The following SRPRA variants were observed in gnomAD, a reference collection of about 807,000 sequenced individuals.
SRPRA encodes SRP receptor subunit alpha.
In SRPRA, 30 loss-of-function variants were observed where a neutral mutation model predicts 61.1. The ratio of observed to expected loss-of-function variants is 0.49; its 90% confidence interval spans 0.37 to 0.67. SRPRA has a LOEUF of 0.67. Ranked by LOEUF, SRPRA falls within the 30% of genes least tolerant of loss-of-function variation. The pLI, the probability that SRPRA is intolerant of heterozygous loss-of-function variation, is 0.00. For synonymous variants in SRPRA, 324 were observed against 299.7 expected (o/e 1.08, Z -0.84); for missense variants, 759 against 828.4 (o/e 0.92, Z 1.03).
chr11:126,256,006 C>G, the SRPRA span, among the ~76,000 whole-genome samples: 1 of 151,582 alleles, frequency 6.6e-6, no homozygotes, highest in Non-Finnish European at 1.5e-5. This position sits in a 1 kb window ranked among gnomAD's most constrained non-coding sequence, Gnocchi z 6.6. Flanking sequence ...TGCAGTGGCT[C>G]ACGCCTGTAA....
rs374425631 is a variant in SRPRA, at chr11:126,265,239, T to C, written c.1311+29A>G. On this transcript the variant is annotated intron_variant, in intron 10 of 13. Coordinates refer to ENST00000332118, the MANE Select transcript of SRPRA (RefSeq NM_003139.4). The surrounding 1 kb of genome is among the most constrained non-coding windows in gnomAD (Gnocchi z 6.3). ...TTGAGACACAAGAAGTACAGAAATA[T>C]CAGCGATAGGCTGGGGAACTGCACT... 91 of 1,613,590 alleles carry C rather than the reference T, an allele frequency of 5.6e-5. No homozygotes were observed. In the African/African-American group the frequency reaches 1.1e-3, roughly 20 times the overall value.
rs1180786361 is a variant in SRPRA, at chr11:126,268,809, G to A, written c.-5C>T. 2 of 1,611,194 alleles carry A rather than the reference G, an allele frequency of 1.2e-6. No homozygotes were observed. The highest frequency in any genetic ancestry group is 2.7e-5 in the African/African-American group (2 of 74,914). On this transcript the variant is annotated 5_prime_UTR_variant, in exon 1 of 14. Transcript: ENST00000332118. ...AATGGTGAAGAAGTCGAGCATGGCG[G>A]CAGCGGCAGAGGAGCTGGGGCCGGC...
the SRPRA span, chr11:126,241,116 G>C: frequency 1.4e-6 from 2 of 1,465,168 alleles, no homozygotes; most frequent in South Asian, 2.8e-5. Flanking sequence ...GCATGATTTG[G>C]CTGTCAAAAC....
At chr11:126,260,655 TC>T (rs1458070494), downstream of SRPRA, 3 of 152,220 alleles carry the variant, frequency 2.0e-5, no homozygotes, top group Non-Finnish European at 2.9e-5. Flanking sequence ...AGGTCAAAGA[TC>T]AGGAACATTT....
downstream of SRPRA, among the ~76,000 whole-genome samples, chr11:126,259,871 C>T (rs1565342269): frequency 6.6e-6 from 1 of 151,834 alleles, no homozygotes; most frequent in African/African-American, 2.4e-5. Flanking sequence ...AAGGCGCCCG[C>T]CACCACACCC....
Position 126,265,244 on chromosome 11 carries a change from G to A in SRPRA, c.1311+24C>T, listed in dbSNP as rs2242391. On this transcript the variant is annotated intron_variant, in intron 10 of 13. Transcript: ENST00000332118. This position sits in a 1 kb window ranked among gnomAD's most constrained non-coding sequence, Gnocchi z 6.3. The stretch of plus-strand genomic sequence containing the variant: ...ACACAAGAAGTACAGAAATATCAGC[G>A]ATAGGCTGGGGAACTGCACTGACCT... The A allele has an allele frequency of 3.7e-6, 6 of 1,613,494 alleles. No individual in the cohort carries two copies. Among genetic ancestry groups the A allele is most frequent in the East Asian group, 2.2e-5 (1 of 44,870 alleles).
rs199928419 is a variant in SRPRA, at chr11:126,266,023, T to C, written c.991A>G (p.Lys331Glu). The change falls in exon 8 of 14, where the codon AAG becomes GAG. Residue 331 changes from lysine (K) to glutamate (E), a missense_variant. Physicochemically the swap from Lys to Glu is moderately conservative, Grantham distance 56. Coordinates refer to ENST00000332118, the MANE Select transcript of SRPRA (RefSeq NM_003139.4). ...TCCATGTCTTCACGACTCAAGCTCT[T>C]TGAACCCACAAGGCCCTTCAGCATA... ...FGMLKGLVGS[K>E]SLSREDMESV... 1.2e-6 allele frequency: 2 copies of C among 1,614,194 alleles called. No homozygotes were observed. The highest frequency in any genetic ancestry group is 1.7e-6 in the Non-Finnish European group (2 of 1,180,038).
rs1433847825 is a variant in SRPRA, at chr11:126,262,972, CTTAT to C, written c.*940_*943del. On this transcript the variant is annotated 3_prime_UTR_variant, in exon 14 of 14. Transcript: ENST00000332118. ...GAAATTTATTTTCTTATATAAATTA[CTTAT>C]TTCTCTGGGCAGACAGCCTTCACCT... 4 of 152,620 alleles carry C rather than the reference CTTAT, an allele frequency of 2.6e-5. No homozygotes were observed. The highest frequency in any genetic ancestry group is 4.1e-4 in the South Asian group (2 of 4,830). The allele number at this position is 152,620 out of a possible 1,614,324, so 9.5% of individuals were successfully genotyped here.
the SRPRA span, among the ~76,000 whole-genome samples, chr11:126,251,925 G>A: frequency 6.6e-6 from 1 of 151,784 alleles, no homozygotes; most frequent in African/African-American, 2.4e-5. Context: ...CAGGTGATCT[G>A]CTAACCTCAG....
the SRPRA span, chr11:126,241,023 C>A: frequency 1.2e-6 from 2 of 1,602,578 alleles, no homozygotes; most frequent in Non-Finnish European, 1.7e-6. Context: ...TTGCCCATGA[C>A]CTTATCCAGA....
the SRPRA span, among the ~76,000 whole-genome samples, chr11:126,247,793 G>A: frequency 1.1e-4 from 17 of 150,704 alleles, no homozygotes; most frequent in Non-Finnish European, 2.9e-5. Flanking sequence ...AGGAGGCGGA[G>A]GTTGCAGTGA....
At chr11:126,256,229 ACACT>A in the SRPRA span, among the ~76,000 whole-genome samples, 1 of 152,212 alleles carries the variant, frequency 6.6e-6, no homozygotes, top group South Asian at 2.1e-4. This position sits in a 1 kb window ranked among gnomAD's most constrained non-coding sequence, Gnocchi z 6.6. Context: ...TCACACCACT[ACACT>A]CTAGCCCAGG....
chr11:126,240,408 G>C, the SRPRA span, among the ~76,000 whole-genome samples: 1 of 151,798 alleles, frequency 6.6e-6, no homozygotes, highest in South Asian at 2.1e-4. Flanking sequence ...TTTTTCTAGA[G>C]TACAAATCAA....
chr11:126,250,863 TTTTG>T, the SRPRA span: 1 of 658,194 alleles, frequency 1.5e-6, no homozygotes, highest in Non-Finnish European at 2.6e-6. The surrounding 1 kb of genome is among the most constrained non-coding windows in gnomAD (Gnocchi z 5.1). Context: ...TGGTTGGAGT[TTTTG>T]TTTTTCTTTT....
chr11:126,253,524 T>A, the SRPRA span, among the ~76,000 whole-genome samples: 1 of 152,220 alleles, frequency 6.6e-6, no homozygotes, highest in Non-Finnish European at 1.5e-5. This position sits in a 1 kb window ranked among gnomAD's most constrained non-coding sequence, Gnocchi z 5.1. Flanking sequence ...TTCTATCACT[T>A]ATCTATTGCT....
Position 126,263,734 on chromosome 11 carries a change from G to T in SRPRA, c.*182C>A. On this transcript the variant is annotated 3_prime_UTR_variant, in exon 14 of 14. Coordinates refer to ENST00000332118, the MANE Select transcript of SRPRA (RefSeq NM_003139.4). ...TGGGCAGTGATTGTAACATGATTAG[G>T]CCTTCCTTGCAGATGGCGGCTGTGC... 1 of 832,044 alleles carries T rather than the reference G, an allele frequency of 1.2e-6. No homozygotes were observed. Among genetic ancestry groups the T allele is most frequent in the Non-Finnish European group, 1.9e-6 (1 of 533,424 alleles). 51.5% of individuals were successfully genotyped at this position (832,044 alleles called of 1,614,324 possible).
chr11:126,266,067 G>A lies in SRPRA; in HGVS notation c.947C>T (p.Thr316Ile). Reference sequence around the variant, plus strand: ...CAGCATACCAAACATGCCACCCAGTGTTCCCTTGGTCGCACTGCAGGGACA... The same window carrying A: ...CAGCATACCAAACATGCCACCCAGTATTCCCTTGGTCGCACTGCAGGGACA... ...NSTKPSATKG[T>I]LGGMFGMLKG... Residue 316 changes from threonine to isoleucine, a missense_variant, in exon 8 of 14, where the codon ACA becomes ATA. By Grantham distance (89) the Thr-to-Ile change is moderately conservative (BLOSUM62 -1). Around this residue, in one of 2 missense-constraint regions of SRPRA, gnomAD observed 475 missense variants for 462.5 expected, o/e 1.03. Transcript: ENST00000332118. 1 of 1,614,128 alleles carries A rather than the reference G, an allele frequency of 6.2e-7. No homozygotes were observed. Among genetic ancestry groups the A allele is most frequent in the African/African-American group, 1.3e-5 (1 of 75,044 alleles).
chr11:126,265,326 G>A lies in SRPRA; in HGVS notation c.1253C>T (p.Pro418Leu). Reference sequence around the variant, plus strand: ...AACGCCGCAGAAGGTGACGACATAAGGGCGCTGGCGACGCTGGGCATCCAT... The same window carrying A: ...AACGCCGCAGAAGGTGACGACATAAAGGCGCTGGCGACGCTGGGCATCCAT... ...DIMDAQRRQR[P>L]YVVTFCGVNG... The change falls in exon 10 of 14, where the codon CCT becomes CTT. Residue 418 changes from proline to leucine, a missense_variant. Pro to Leu is a moderately conservative substitution (Grantham distance 98, BLOSUM62 -3). This residue lies in a region of SRPRA where 284 missense variants were observed against 365.9 expected (regional missense o/e 0.78). Transcript: ENST00000332118. The surrounding 1 kb of genome is among the most constrained non-coding windows in gnomAD (Gnocchi z 6.3). 1 of 1,613,776 alleles carries A rather than the reference G, an allele frequency of 6.2e-7. No homozygotes were observed. Among genetic ancestry groups the A allele is most frequent in the Non-Finnish European group, 8.5e-7 (1 of 1,179,958 alleles).
In SRPRA at chr11:126,267,123, C is replaced by T. The variant is rs765121764; in HGVS notation, c.526+52G>A. The T allele has an allele frequency of 5.6e-6, 9 of 1,606,968 alleles. No individual in the cohort carries two copies. The highest frequency in any genetic ancestry group is 2.7e-5 in the African/African-American group (2 of 74,520). Reference sequence around the variant, plus strand: ...AAGGAAGGACCACCTCAGTCCTTAGCACCGTGTTAACACCTTTCATGTCCC... The same window carrying T: ...AAGGAAGGACCACCTCAGTCCTTAGTACCGTGTTAACACCTTTCATGTCCC... On this transcript the variant is annotated intron_variant, in intron 4 of 13. Coordinates refer to ENST00000332118, the MANE Select transcript of SRPRA (RefSeq NM_003139.4). The surrounding 1 kb of genome is among the most constrained non-coding windows in gnomAD (Gnocchi z 4.2).
Sources: gnomAD v4.1 joint callset for allele counts (sites outside exome capture counted in the v4.1 genomes callset) on GRCh38, gnomAD v4.1.1 for gene constraint, gnomAD v4.1.1 regional missense constraint, Gnocchi (gnomAD v3.1) non-coding constraint, MANE v1.5 for transcripts, NCBI Gene and HGNC (gene_info 2026-07-23, HGNC 2026-07-21) for gene names.